The following SERGEF variants were observed in gnomAD, a reference collection of about 807,000 sequenced individuals.
The protein encoded by SERGEF is secretion-regulating guanine nucleotide exchange factor.
A neutral mutation model predicts 50.0 loss-of-function variants in SERGEF; 51 were observed. That is an observed-to-expected ratio of 1.02 (90% CI 0.81 to 1.29). The LOEUF (loss-of-function observed/expected upper bound fraction) is 1.29, where lower values mean the gene tolerates loss of function less well. Ranked by LOEUF, SERGEF falls within the 50% of genes most tolerant of loss-of-function variation. The pLI is 0.00. For synonymous variants in SERGEF, 205 were observed against 212.4 expected (o/e 0.97, Z 0.30); for missense variants, 521 against 557.0 (o/e 0.94, Z 0.65).
intron 9 of SERGEF, among the ~76,000 whole-genome samples, chr11:17,955,451 A>G (rs929844070): frequency 2.0e-5 from 3 of 152,200 alleles, no homozygotes; most frequent in Non-Finnish European, 4.4e-5. Flanking sequence ...AAAGTCAAGA[A>G]GGAGGTAAAT....
rs1850294668 is a variant in SERGEF at position 17,830,795 on chromosome 11, A to G, written c.1049-42382T>C. ...CACCTCTTACACGTCCCACCTCTTA[A>G]TGCTGTTATAATGACCAAGTTTTAA... On this transcript the variant is annotated intron_variant, in intron 10 of 10. Coordinates refer to ENST00000265965, the MANE Select transcript of SERGEF (RefSeq NM_012139.4). Among the ~76,000 whole-genome samples, 4 of 152,120 alleles carry G rather than the reference A, an allele frequency of 2.6e-5. No individual in the cohort carries two copies. The South Asian group carries it at 6.2e-4, about 24-fold the overall frequency.
intron 8 of SERGEF, among the ~76,000 whole-genome samples, chr11:17,980,255 G>A (rs1049367777): frequency 5.3e-5 from 8 of 152,176 alleles, no homozygotes; most frequent in African/African-American, 1.9e-4. Context: ...GGATATTCAG[G>A]AGGGACTTAC....
At chr11:17,998,376 C>T (rs1008530429) in intron 5 of SERGEF, among the ~76,000 whole-genome samples, 2 of 147,958 alleles carry the variant, frequency 1.4e-5, no homozygotes, top group African/African-American at 2.5e-5. Flanking sequence ...ATGAACACAC[C>T]ACTGTACCCC....
At chr11:17,804,250 C>A (rs1849719517) in intron 10 of SERGEF, among the ~76,000 whole-genome samples, 1 of 152,222 alleles carries the variant, frequency 6.6e-6, no homozygotes, top group Admixed American at 6.5e-5. Flanking sequence ...AGTTTGAGAA[C>A]CACTGCTGTA....
chr11:17,808,804 A>G (rs1747533870), intron 10 of SERGEF, among the ~76,000 whole-genome samples: 1 of 152,172 alleles, frequency 6.6e-6, no homozygotes, highest in African/African-American at 2.4e-5. Flanking sequence ...CTTTCCTGCC[A>G]GTTTGCTGTA....
chr11:17,828,470 C>T (rs753334469), intron 10 of SERGEF, among the ~76,000 whole-genome samples: 9 of 152,330 alleles, frequency 5.9e-5, no homozygotes, highest in Admixed American at 2.6e-4. Flanking sequence ...ACACAGCGCA[C>T]GGCTGTCGCC....
intron 10 of SERGEF, among the ~76,000 whole-genome samples, chr11:17,838,026 T>C (rs549482016): frequency 6.6e-6 from 1 of 152,154 alleles, no homozygotes; most frequent in African/African-American, 2.4e-5. Context: ...AATCACCAAA[T>C]AGACGAAGAT....
intron 10 of SERGEF, among the ~76,000 whole-genome samples, chr11:17,808,173 C>T (rs1849797030): frequency 6.6e-6 from 1 of 152,194 alleles, no homozygotes; most frequent in Admixed American, 6.5e-5. Flanking sequence ...TGCTGCCTGG[C>T]TTGGGCCCCT....
intron 10 of SERGEF, among the ~76,000 whole-genome samples, chr11:17,839,826 A>G (rs1444756903): frequency 6.6e-6 from 1 of 152,220 alleles, no homozygotes; most frequent in South Asian, 2.1e-4. Context: ...GCAAGGTATT[A>G]TAAACCTAAT....
chr11:17,905,701 A>C (rs1851827550), intron 9 of SERGEF, among the ~76,000 whole-genome samples: 1 of 152,222 alleles, frequency 6.6e-6, no homozygotes, highest in Non-Finnish European at 1.5e-5. Context: ...TCAGAGACCC[A>C]TTAGAAATGA....
intron 9 of SERGEF, among the ~76,000 whole-genome samples, chr11:17,936,958 A>T (rs938978719): frequency 6.6e-6 from 1 of 152,228 alleles, no homozygotes; most frequent in Non-Finnish European, 1.5e-5. Flanking sequence ...ATAATCAGAG[A>T]TTTGACCAAA....
At chr11:17,845,207 C>G (rs1041173304) in intron 10 of SERGEF, among the ~76,000 whole-genome samples, 1 of 152,170 alleles carries the variant, frequency 6.6e-6, no homozygotes, top group Admixed American at 6.5e-5. Context: ...ACATGCTCTG[C>G]TTCAACTTCT....
intron 10 of SERGEF, among the ~76,000 whole-genome samples, chr11:17,830,652 GAGA>G (rs1565179431): frequency 1.9e-4 from 19 of 97,990 alleles, no homozygotes; most frequent in Non-Finnish European, 3.5e-4. Flanking sequence ...GAGGGAGGGA[GAGA>G]GAGAGAGAGA....
At chr11:17,989,567 A>G (rs751121431) in intron 7 of SERGEF, among the ~76,000 whole-genome samples, 2 of 152,266 alleles carry the variant, frequency 1.3e-5, no homozygotes, top group Non-Finnish European at 2.9e-5. Flanking sequence ...AGGCATTCAC[A>G]TTCAAAAATA....
At chr11:17,861,524 G>T (rs1312327919) in intron 10 of SERGEF, among the ~76,000 whole-genome samples, 3 of 152,222 alleles carry the variant, frequency 2.0e-5, no homozygotes, top group East Asian at 3.8e-4. Flanking sequence ...GTACAGTAGG[G>T]ATTGTACTTT....
intron 8 of SERGEF, among the ~76,000 whole-genome samples, chr11:17,976,557 C>T (rs897054230): frequency 2.0e-5 from 3 of 151,326 alleles, no homozygotes; most frequent in African/African-American, 7.3e-5. Flanking sequence ...GCCTTGGCCT[C>T]CCAAAGTGCT....
At chr11:17,965,283 T>G (rs1853095490) in intron 8 of SERGEF, among the ~76,000 whole-genome samples, 1 of 152,182 alleles carries the variant, frequency 6.6e-6, no homozygotes, top group South Asian at 2.1e-4. Flanking sequence ...AAGGGGTGCC[T>G]TCTGTCATGA....
At chr11:17,918,665 CT>C (rs1852096365) in intron 9 of SERGEF, 2 of 232,642 alleles carry the variant, frequency 8.6e-6, no homozygotes, top group African/African-American at 4.5e-5. Flanking sequence ...CACACACACT[CT>C]CTCTCTCTCT....
At chr11:17,858,846 T>C (rs1242413651) in intron 10 of SERGEF, among the ~76,000 whole-genome samples, 1 of 151,678 alleles carries the variant, frequency 6.6e-6, no homozygotes. Context: ...AGAGGGTGAA[T>C]TGGAGAGGGT....
Sources: allele counts gnomAD v4.1 joint callset (sites outside exome capture counted in the v4.1 genomes callset), GRCh38; gene constraint gnomAD v4.1.1; transcripts MANE v1.5; gene names NCBI Gene and HGNC (gene_info 2026-07-23, HGNC 2026-07-21).